ESR1: variants seen among roughly 807,000 people sequenced by gnomAD.
ESR1 encodes estrogen receptor 1.
Under a neutral mutation model 52.7 loss-of-function variants are expected in ESR1, and 12 were observed. That is an observed-to-expected ratio of 0.23 (90% confidence interval 0.15 to 0.37). The LOEUF is 0.37. ESR1 is among the 10% of genes least tolerant of loss of function. The pLI is 1.00. For synonymous variants in ESR1, 305 were observed against 316.8 expected (o/e 0.96, Z 0.39); for missense variants, 584 against 779.7 (o/e 0.75, Z 2.99).
At chr6:151,880,066 C>T (rs6557168) in intron 2 of ESR1, among the ~76,000 whole-genome samples, 78,424 of 151,918 alleles carry the variant, frequency 0.52, 22,069 homozygotes, top group Middle Eastern at 0.7. Flanking sequence ...AATATAACCA[C>T]ATAAAATATG....
intron 3 of ESR1, among the ~76,000 whole-genome samples, chr6:151,929,200 C>T (rs866084522): frequency 1.7e-4 from 26 of 152,276 alleles, no homozygotes; most frequent in African/African-American, 5.1e-4. Context: ...TCTATTTCCC[C>T]TTTTAGTTTC....
At chr6:151,806,530 G>GTATATGTATATA (rs1554259016), upstream of ESR1, among the ~76,000 whole-genome samples, 5 of 96,466 alleles carry the variant, frequency 5.2e-5, no homozygotes, top group African/African-American at 8.0e-5. Context: ...TCCTTAATAT[G>GTATATGTATATA]TATATATATA....
At chr6:151,669,940 A>C (rs1180610692) in intron 1 of ESR1, among the ~76,000 whole-genome samples, 1 of 152,216 alleles carries the variant, frequency 6.6e-6, no homozygotes, top group African/African-American at 2.4e-5. Context: ...TGTTGGAGGC[A>C]AATTTAGATC....
intron 2 of ESR1, among the ~76,000 whole-genome samples, chr6:151,720,117 GT>G (rs1296959871): frequency 6.6e-6 from 1 of 152,256 alleles, no homozygotes; most frequent in Non-Finnish European, 1.5e-5. Flanking sequence ...TCAGCCTAAG[GT>G]TACAAGATGA....
At chr6:151,880,313 G>T (rs1401025591) in intron 2 of ESR1, among the ~76,000 whole-genome samples, 2 of 151,520 alleles carry the variant, frequency 1.3e-5, no homozygotes, top group Non-Finnish European at 2.9e-5. Flanking sequence ...TTCCTGAGTA[G>T]CTGGGATTAC....
chr6:151,707,686 T>C (rs1562344586), intron 2 of ESR1, among the ~76,000 whole-genome samples: 1 of 152,092 alleles, frequency 6.6e-6, no homozygotes, highest in East Asian at 1.9e-4. Context: ...GCAAAGTTCT[T>C]TATAAAGTCC....
rs557253929 is a variant in ESR1 at position 151,840,512 on chromosome 6, T to C, written c.453-2085T>C. Among the ~76,000 whole-genome samples, 3 of 152,314 alleles carry C rather than the reference T, an allele frequency of 2.0e-5. No homozygotes were observed. The East Asian group carries it at 5.8e-4, about 29-fold the overall frequency. ...ACGTACTCAACCCAAGGAGCCAATA[T>C]TTTGTGAATATTATGGCAAATGTAG... is the stretch of plus-strand genomic sequence containing the variant. On this transcript the variant is annotated intron_variant, in intron 1 of 7. Transcript: ENST00000206249.
chr6:152,078,191 T>C (rs1264160097), intron 6 of ESR1, among the ~76,000 whole-genome samples: 2 of 152,194 alleles, frequency 1.3e-5, no homozygotes, highest in Non-Finnish European at 2.9e-5. Flanking sequence ...CGAGATCTCA[T>C]GGTTTTATCA....
At chr6:151,743,101 G>A (rs994029822) in intron 2 of ESR1, among the ~76,000 whole-genome samples, 15 of 152,266 alleles carry the variant, frequency 9.9e-5, no homozygotes, top group African/African-American at 3.1e-4. Context: ...AGCTCCCCAG[G>A]GGCTTCCGGT....
intron 6 of ESR1, among the ~76,000 whole-genome samples, chr6:152,124,387 G>GA: frequency 6.6e-6 from 1 of 152,160 alleles, no homozygotes; most frequent in East Asian, 1.9e-4. Flanking sequence ...GTGGTGTAAG[G>GA]AAAAATCAAA....
At chr6:151,884,315 C>T (rs561903771) in intron 3 of ESR1, among the ~76,000 whole-genome samples, 1 of 152,294 alleles carries the variant, frequency 6.6e-6, no homozygotes, top group Non-Finnish European at 1.5e-5. Context: ...TGAATAAAGC[C>T]TTAATTTACA....
intron 6 of ESR1, among the ~76,000 whole-genome samples, chr6:152,123,932 G>A (rs1023770505): frequency 2.6e-5 from 4 of 152,106 alleles, no homozygotes; most frequent in South Asian, 2.1e-4. Context: ...TGGGGGATGC[G>A]GAGTGACACC....
intron 2 of ESR1, among the ~76,000 whole-genome samples, chr6:151,752,948 G>T (rs182636799): frequency 2.1e-4 from 32 of 152,184 alleles, no homozygotes; most frequent in Admixed American, 5.2e-4. Flanking sequence ...TTTATTCTCA[G>T]TCATAATTTT....
intron 1 of ESR1, among the ~76,000 whole-genome samples, chr6:151,826,982 A>C (rs572274180): frequency 1.3e-4 from 20 of 152,250 alleles, no homozygotes; most frequent in African/African-American, 4.3e-4. Context: ...ATGTGGGAAC[A>C]TCCCTGGTGT....
chr6:151,854,802 T>G (rs542422263), intron 2 of ESR1, among the ~76,000 whole-genome samples: 1 of 152,362 alleles, frequency 6.6e-6, no homozygotes, highest in African/African-American at 2.4e-5. Flanking sequence ...ACAATATTTT[T>G]CCTTATACAT....
chr6:151,930,934 G>A (rs1337574452), intron 3 of ESR1, among the ~76,000 whole-genome samples: 1 of 151,980 alleles, frequency 6.6e-6, no homozygotes, highest in Non-Finnish European at 1.5e-5. Context: ...TCCCTGCCCT[G>A]GCTCTGGCTT....
At chr6:152,043,984 A>G (rs1318043487) in intron 5 of ESR1, among the ~76,000 whole-genome samples, 1 of 152,178 alleles carries the variant, frequency 6.6e-6, no homozygotes, top group Non-Finnish European at 1.5e-5. Flanking sequence ...GGGCAATCTT[A>G]GAAGATTTGA....
chr6:151,917,306 T>G (rs1455144141), intron 3 of ESR1, among the ~76,000 whole-genome samples: 2 of 152,180 alleles, frequency 1.3e-5, no homozygotes, highest in Admixed American at 1.3e-4. Context: ...TTATTCCTCT[T>G]GGCTACAGAA....
intron 6 of ESR1, chr6:152,122,132 C>T (rs1404802330): frequency 2.4e-6 from 1 of 424,020 alleles, no homozygotes; most frequent in East Asian, 5.0e-5. Context: ...CAGAATGGGC[C>T]AAGGGCCCAG....
Sources: allele counts gnomAD v4.1 joint callset (sites outside exome capture counted in the v4.1 genomes callset), GRCh38; gene constraint gnomAD v4.1.1; transcripts MANE v1.5; gene names NCBI Gene and HGNC (gene_info 2026-07-23, HGNC 2026-07-21).